The following FANCI variants were observed in gnomAD, a reference collection of about 807,000 sequenced individuals.
FANCI encodes the protein FA complementation group I.
FANCI carries 156 observed loss-of-function variants against 176.1 expected under a neutral mutation model. That is an observed-to-expected ratio of 0.89 (90% confidence interval 0.78 to 1.01). The LOEUF (loss-of-function observed/expected upper bound fraction) is 1.01. Among genes scored for constraint, FANCI ranks in the 50% least tolerant of loss-of-function variants. The probability of loss-of-function intolerance (pLI) is 0.00; values close to 1 mark genes in which losing one functional copy is unlikely to be tolerated. For synonymous variants in FANCI, 613 were observed against 541.7 expected, an observed-to-expected ratio of 1.13 and a Z score of -1.83; for missense variants, 1,678 against 1,534.1, an observed-to-expected ratio of 1.09 and a Z score of -1.57.
At chr15:89,267,191 ATGCCT>A (rs2052999048) in intron 9 of FANCI, among the ~76,000 whole-genome samples, 1 of 152,072 alleles carries the variant, frequency 6.6e-6, no homozygotes, top group South Asian at 2.1e-4. Flanking sequence ...GCAGTGGCTC[ATGCCT>A]GTAGTCCCAA....
At chr15:89,303,656 G>A (rs891451602) in intron 27 of FANCI, among the ~76,000 whole-genome samples, 1 of 152,168 alleles carries the variant, frequency 6.6e-6, no homozygotes, top group African/African-American at 2.4e-5. Context: ...CATAGACATT[G>A]AGAATTAAAT....
rs3087377 is a variant in FANCI at position 89,316,701 on chromosome 15, A to AC, written c.*244dup. ...TGAAAGCCTGAGTTTGGGAGCCTGC[A>AC]CCACCCCGATGAAGCTCCACGGGAG... On this transcript the variant is annotated 3_prime_UTR_variant, in exon 38 of 38. Coordinates refer to ENST00000310775, the MANE Select transcript of FANCI (RefSeq NM_001113378.2). 0.37 allele frequency: 542,013 copies of AC among 1,461,568 alleles called. 104,543 individuals are homozygous for AC. The highest frequency in any genetic ancestry group is 0.39 in the South Asian group (34,647 of 88,016). The allele number at this position is 1,461,568 out of a possible 1,614,324, so 90.5% of individuals were successfully genotyped here. A position where few individuals can be genotyped will look rare whatever the true frequency, so the allele number is the denominator to read the frequency against.
intron 2 of FANCI, among the ~76,000 whole-genome samples, chr15:89,253,465 A>T (rs1442672424): frequency 6.6e-6 from 1 of 152,090 alleles, no homozygotes; most frequent in Non-Finnish European, 1.5e-5. Flanking sequence ...GTGAGCTATG[A>T]TTGTGCCACT....
At chr15:89,297,809 T>C (rs1596313658) in intron 24 of FANCI, among the ~76,000 whole-genome samples, 1 of 149,756 alleles carries the variant, frequency 6.7e-6, no homozygotes, top group East Asian at 1.9e-4. Context: ...TGTTTTTTTG[T>C]TTTTGTTTTT....
intron 18 of FANCI, among the ~76,000 whole-genome samples, chr15:89,286,555 C>CT (rs931372843): frequency 2.0e-5 from 3 of 151,650 alleles, no homozygotes; most frequent in Non-Finnish European, 2.9e-5. Flanking sequence ...TGAGAAGAAT[C>CT]TTTTTTTTTC....
chr15:89,302,160 G>A (rs2054546084), intron 27 of FANCI, among the ~76,000 whole-genome samples: 1 of 152,200 alleles, frequency 6.6e-6, no homozygotes, highest in Non-Finnish European at 1.5e-5. Flanking sequence ...GAAAGACAAT[G>A]AAGCCCTGCG....
chr15:89,260,959 C>T (rs990004750), intron 4 of FANCI, 116 bp downstream of exon 4: 9 of 1,315,896 alleles, frequency 6.8e-6, no homozygotes, highest in Non-Finnish European at 4.3e-6. Context: ...ATGAGTAAGA[C>T]CTGTTGTTAA....
At chr15:89,252,990 T>A (rs1231375402) in intron 2 of FANCI, among the ~76,000 whole-genome samples, 1 of 152,156 alleles carries the variant, frequency 6.6e-6, no homozygotes, top group East Asian at 1.9e-4. Context: ...CAGGGATAGT[T>A]AGGGAAAAGC....
rs557703433 is a variant in FANCI, at chr15:89,248,254, C to T, written c.84+523C>T. ...TAGGCTGTTTCTTCTCCCTAATGTT[C>T]TTTCTCAGCTGATATACTGCTCCTT... is the stretch of plus-strand genomic sequence containing the variant. On this transcript the variant is annotated intron_variant, in intron 2 of 37. Transcript: ENST00000310775. Among the ~76,000 whole-genome samples the T allele has an allele frequency of 3.9e-5, 6 of 152,266 alleles. No homozygotes were observed. The East Asian group carries it at 1.2e-3, about 29-fold the overall frequency.
intron 36 of FANCI, 64 bp from the exon 37 acceptor site, chr15:89,315,218 G>T: frequency 8.1e-7 from 1 of 1,233,418 alleles, no homozygotes; most frequent in South Asian, 1.2e-5. Context: ...ACTAAAAATG[G>T]CTTAAGCTGT....
Position 89,305,144 on chromosome 15 carries a change from A to T in FANCI, c.3088A>T (p.Asn1030Tyr), listed in dbSNP as rs765315976. 2 of 1,614,202 alleles carry T rather than the reference A, an allele frequency of 1.2e-6. No individual in the cohort carries two copies. The highest frequency in any genetic ancestry group is 4.5e-5 in the East Asian group (2 of 44,890). ...TGCCTTGTTTTGCAAGAGCTTGATGAACTTGCTCTTCAGCCTGCATGTTTC... is the reference window on the plus strand; with the variant it reads ...TGCCTTGTTTTGCAAGAGCTTGATGTACTTGCTCTTCAGCCTGCATGTTTC... ...EDALFCKSLMNLLFSLHVSYK... is the reference protein window; with the variant it reads ...EDALFCKSLMYLLFSLHVSYK... The change falls in exon 29 of 38, where the codon AAC becomes TAC. Residue 1030 changes from asparagine to tyrosine, a missense_variant. By Grantham distance (143) the Asn-to-Tyr change is moderately radical. Coordinates refer to ENST00000310775, the MANE Select transcript of FANCI (RefSeq NM_001113378.2).
At position 89,269,403 on chromosome 15, in the gene FANCI, G is replaced by GT. The variant is rs556714049; in HGVS notation, c.882+888dup. 2.8e-4 allele frequency among the ~76,000 whole-genome samples: 41 copies of GT among 148,494 alleles called. 1 individual carries two copies. Among genetic ancestry groups the GT allele is most frequent in the South Asian group, 1.7e-3 (8 of 4,686 alleles). On this transcript the variant is annotated intron_variant, in intron 10 of 37. Coordinates refer to ENST00000310775, the MANE Select transcript of FANCI (RefSeq NM_001113378.2). ...TCTCTAAAATGTCTTTTGCAGCTGT[G>GT]TTTTTTTTTTCCTCTGCTCCAGGCT...
In FANCI at chr15:89,295,593, G is replaced by C. The variant is rs144276873; in HGVS notation, c.2636+499G>C. Among the ~76,000 whole-genome samples, 1,100 of 152,224 alleles carry C rather than the reference G, an allele frequency of 7.2e-3. 16 individuals carry two copies. Among genetic ancestry groups the C allele is most frequent in the African/African-American group, 0.025 (1,050 of 41,524 alleles). ...AGGCAGGAGAATTGCTCGAACCTGGGAGGCGGAGGTTGCAGTGAGCCTAGA... is the reference window on the plus strand; with the variant it reads ...AGGCAGGAGAATTGCTCGAACCTGGCAGGCGGAGGTTGCAGTGAGCCTAGA... On this transcript the variant is annotated intron_variant, in intron 24 of 37. Coordinates refer to ENST00000310775, the MANE Select transcript of FANCI (RefSeq NM_001113378.2).
chr15:89,258,637 T>G (rs942070813), intron 2 of FANCI, 67 bp from the exon 3 acceptor site: 17 of 1,156,806 alleles, frequency 1.5e-5, no homozygotes, highest in Non-Finnish European at 2.1e-5. Context: ...CTTTTTCATA[T>G]TGAGTGTTTA....
At chr15:89,261,513 CTT>C (rs1471065289) in intron 4 of FANCI, 70 bp from the exon 5 acceptor site, 8 of 1,585,036 alleles carry the variant, frequency 5.0e-6, no homozygotes, top group Non-Finnish European at 5.2e-6. Flanking sequence ...CAGCAAAAGA[CTT>C]TATTTCTTAG....
At chr15:89,291,015 C>T (rs2054045198) in intron 19 of FANCI, among the ~76,000 whole-genome samples, 1 of 152,066 alleles carries the variant, frequency 6.6e-6, no homozygotes, top group African/African-American at 2.4e-5. Context: ...ACACGTTTAA[C>T]AAAAATAGAA....
At chr15:89,296,583 C>T (rs2054284014) in intron 24 of FANCI, among the ~76,000 whole-genome samples, 1 of 152,158 alleles carries the variant, frequency 6.6e-6, no homozygotes, top group South Asian at 2.1e-4. Flanking sequence ...AAAAGTCTCC[C>T]ATGTCTACTT....
chr15:89,296,942 G>A (rs1461526405), intron 24 of FANCI, among the ~76,000 whole-genome samples: 1 of 150,314 alleles, frequency 6.7e-6, no homozygotes, highest in African/African-American at 2.5e-5. Flanking sequence ...CTCCCTCCCG[G>A]ACGGGGCGGC....
At position 89,317,019 on chromosome 15, in the gene FANCI, A is replaced by G. The variant is rs540371794; in HGVS notation, c.*560A>G. 2.1e-4 allele frequency: 129 copies of G among 609,666 alleles called. No individual in the cohort carries two copies. Among genetic ancestry groups the G allele is most frequent in the Non-Finnish European group, 3.5e-4 (120 of 345,298 alleles). 37.8% of individuals were successfully genotyped at this position (609,666 alleles called of 1,614,324 possible). ...ATAAGTGTGTCTTAGATATATTTTA[A>G]ATAGAAAATAAGCTTTCTGATTTAC... On this transcript the variant is annotated 3_prime_UTR_variant, in exon 38 of 38. Coordinates refer to ENST00000310775, the MANE Select transcript of FANCI (RefSeq NM_001113378.2).
Sources: gnomAD v4.1 joint callset for allele counts (sites outside exome capture counted in the v4.1 genomes callset) on GRCh38, gnomAD v4.1.1 for gene constraint, MANE v1.5 for transcripts, NCBI Gene and HGNC (gene_info 2026-07-23, HGNC 2026-07-21) for gene names.